Variants in PCDHGA1 observed in about 807,000 individuals in gnomAD.
PCDHGA1 encodes the protein protocadherin gamma-A1.
In PCDHGA1, 32 loss-of-function variants were observed where a neutral mutation model predicts 58.0. That is an observed-to-expected ratio of 0.55 (90% CI 0.42 to 0.74). PCDHGA1 has a LOEUF of 0.74. Ranked by LOEUF, PCDHGA1 falls within the 30% of genes least tolerant of loss-of-function variation. The pLI is 0.00. For synonymous variants in PCDHGA1, 498 were observed against 501.1 expected (o/e 0.99, Z 0.08); for missense variants, 1,205 against 1,182.3 (o/e 1.02, Z -0.28).
chr5:141,394,006 TAGGTA>T, intron 1 of PCDHGA1: 3 of 1,613,358 alleles, frequency 1.9e-6, no homozygotes, highest in Admixed American at 3.3e-5. Flanking sequence ...GAAAAGTCAA[TAGGTA>T]ATTATTATAG....
At chr5:141,417,667 C>A (rs545100460) in intron 1 of PCDHGA1, 5 of 918,744 alleles carry the variant, frequency 5.4e-6, no homozygotes, top group South Asian at 3.8e-5. Flanking sequence ...GGATTCCCTG[C>A]GCAGCCAACA....
Position 141,493,891 on chromosome 5 carries a change from G to A in PCDHGA1, c.2422-916G>A, listed in dbSNP as rs1595204910. On this transcript the variant is annotated intron_variant, in intron 1 of 3. Transcript: ENST00000517417. The surrounding 1 kb of genome is among the most constrained non-coding windows in gnomAD (Gnocchi z 4.3). ...CCAGTGAGGAGGTGGCTCTAGGAGT[G>A]CTCCATGAGAGTGTGTGATGGGATA... Among the ~76,000 whole-genome samples, 1 of 152,300 alleles carries A rather than the reference G, an allele frequency of 6.6e-6. No homozygotes were observed. The highest frequency in any genetic ancestry group is 1.5e-5 in the Non-Finnish European group (1 of 68,018).
chr5:141,488,128 G>T (rs1412334197), intron 1 of PCDHGA1, among the ~76,000 whole-genome samples: 1 of 152,226 alleles, frequency 6.6e-6, no homozygotes, highest in Non-Finnish European at 1.5e-5. Context: ...ACAGCAGAAA[G>T]AGGAGAGAAC....
At chr5:141,357,238 C>T (rs1377383542) in intron 1 of PCDHGA1, 1 of 1,613,756 alleles carries the variant, frequency 6.2e-7, no homozygotes, top group African/African-American at 1.3e-5. Flanking sequence ...CAGCCTCAAG[C>T]CTTCAGCAGA....
rs773609097 is a variant in PCDHGA1 at position 141,408,614 on chromosome 5, A to C, written c.2421+75509A>C. 2.2e-5 allele frequency: 36 copies of C among 1,614,008 alleles called. No individual in the cohort carries two copies. Among genetic ancestry groups the C allele is most frequent in the Non-Finnish European group, 3.1e-5 (36 of 1,179,890 alleles). On this transcript the variant is annotated intron_variant, in intron 1 of 3. Coordinates refer to ENST00000517417, the MANE Select transcript of PCDHGA1 (RefSeq NM_018912.3). The stretch of plus-strand genomic sequence containing the variant: ...CGCCCCTCAATTTGATAAAAAGGAA[A>C]TACATTTAGAAATTTTCGAATCTGC...
Position 141,334,295 on chromosome 5 carries a change from C to T in PCDHGA1, c.2421+1190C>T, listed in dbSNP as rs955926032. On this transcript the variant is annotated intron_variant, in intron 1 of 3. Coordinates refer to ENST00000517417, the MANE Select transcript of PCDHGA1 (RefSeq NM_018912.3). The surrounding 1 kb of genome is among the most constrained non-coding windows in gnomAD (Gnocchi z 4.6). ...CCTGAATCCAAAATAAGCAATGAGG[C>T]CCTTCAGCTGGTTAAAAAGGAAAAG... The T allele has an allele frequency of 2.0e-5, 3 of 152,236 alleles. No homozygotes were observed. Among genetic ancestry groups the T allele is most frequent in the Admixed American group, 6.5e-5 (1 of 15,286 alleles). The allele number at this position is 152,236 out of a possible 1,614,324, so 9.4% of individuals were successfully genotyped here. A position where few individuals can be genotyped will look rare whatever the true frequency, so the allele number is the denominator to read the frequency against.
rs369227893 is a variant in PCDHGA1, at chr5:141,419,063, T to A, written c.2422-75744T>A. 47 of 1,613,840 alleles carry A rather than the reference T, an allele frequency of 2.9e-5. No homozygotes were observed. The highest frequency in any genetic ancestry group is 4.0e-5 in the Non-Finnish European group (47 of 1,179,904). On this transcript the variant is annotated intron_variant, in intron 1 of 3. Coordinates refer to ENST00000517417, the MANE Select transcript of PCDHGA1 (RefSeq NM_018912.3). ...GATTCATTCTTCTTCTAATAATTACTACAAGCTAGTAACAGATGAGGCCCT... is the reference window on the plus strand; with the variant it reads ...GATTCATTCTTCTTCTAATAATTACAACAAGCTAGTAACAGATGAGGCCCT...
rs781229038 is a variant in PCDHGA1, at chr5:141,489,990, A to C, written c.2422-4817A>C. 1.2e-4 allele frequency: 194 copies of C among 1,614,138 alleles called. No individual in the cohort carries two copies. Among genetic ancestry groups the C allele is most frequent in the Non-Finnish European group, 1.6e-4 (188 of 1,180,038 alleles). Reference sequence around the variant, plus strand: ...TCCAATCCTCAGTTCTACGTGTGGGAATCCCAGAGAATGCACCCATTGGTA... The same window carrying C: ...TCCAATCCTCAGTTCTACGTGTGGGCATCCCAGAGAATGCACCCATTGGTA... On this transcript the variant is annotated intron_variant, in intron 1 of 3. Transcript: ENST00000517417. The surrounding 1 kb of genome is among the most constrained non-coding windows in gnomAD (Gnocchi z 4.5).
intron 1 of PCDHGA1, chr5:141,372,327 A>G (rs1768669184): frequency 3.7e-6 from 6 of 1,613,586 alleles, no homozygotes; most frequent in Admixed American, 1.7e-5. Flanking sequence ...CCTGCTGGTC[A>G]CTGTGCGTGA....
At chr5:141,478,165 C>G (rs780594020) in intron 1 of PCDHGA1, 13 of 1,613,920 alleles carry the variant, frequency 8.1e-6, no homozygotes, top group African/African-American at 1.3e-5. Flanking sequence ...GCTCTGCCCC[C>G]CGGGAGCAGA....
chr5:141,355,759 G>A (rs769349934), intron 1 of PCDHGA1: 10 of 1,613,774 alleles, frequency 6.2e-6, no homozygotes, highest in Non-Finnish European at 1.7e-6. Context: ...AAGTGGGGCC[G>A]ATGGGATTAA....
intron 1 of PCDHGA1, chr5:141,383,684 T>A: frequency 4.3e-6 from 7 of 1,614,014 alleles, no homozygotes; most frequent in Non-Finnish European, 5.9e-6. Context: ...ACAAGACTGC[T>A]CACGGTACAT....
Position 141,334,645 on chromosome 5 carries a change from G to A in PCDHGA1, c.2421+1540G>A, listed in dbSNP as rs891569456. On this transcript the variant is annotated intron_variant, in intron 1 of 3. Coordinates refer to ENST00000517417, the MANE Select transcript of PCDHGA1 (RefSeq NM_018912.3). The surrounding 1 kb of genome is among the most constrained non-coding windows in gnomAD (Gnocchi z 4.6). The stretch of plus-strand genomic sequence containing the variant: ...TAATAAAAGCTGTTTCCCAATTCCG[G>A]TGGTTATAACTTTCTTCGTAAGCTG... 1 of 152,190 alleles carries A rather than the reference G, an allele frequency of 6.6e-6. No individual in the cohort carries two copies. Among genetic ancestry groups the A allele is most frequent in the Admixed American group, 6.5e-5 (1 of 15,270 alleles). 9.4% of individuals were successfully genotyped at this position (152,190 alleles called of 1,614,324 possible). A position where few individuals can be genotyped will look rare whatever the true frequency, so the allele number is the denominator to read the frequency against.
At chr5:141,469,964 G>T (rs974494589) in intron 1 of PCDHGA1, among the ~76,000 whole-genome samples, 2 of 152,002 alleles carry the variant, frequency 1.3e-5, no homozygotes, top group Non-Finnish European at 2.9e-5. Flanking sequence ...AACCCCATCT[G>T]TACCAAAAAT....
In PCDHGA1 at chr5:141,331,223, T is replaced by C. The variant is rs1368047057; in HGVS notation, c.539T>C (p.Leu180Pro). The change falls in exon 1 of 4, where the codon CTG becomes CCG. Residue 180 changes from leucine (L) to proline (P), a missense_variant. Coordinates refer to ENST00000517417, the MANE Select transcript of PCDHGA1 (RefSeq NM_018912.3). Reference protein sequence around the residue: ...YQLSSNPHFSLDVQQGADGPQ... With the variant: ...YQLSSNPHFSPDVQQGADGPQ... ...CTCAGCTCTAACCCTCATTTCTCCC[T>C]GGATGTGCAACAGGGAGCCGATGGG... 1 of 1,614,118 alleles carries C rather than the reference T, an allele frequency of 6.2e-7. No homozygotes were observed. The highest frequency in any genetic ancestry group is 1.7e-5 in the Admixed American group (1 of 60,020).
At chr5:141,421,355 G>A in intron 1 of PCDHGA1, 1 of 1,613,990 alleles carries the variant, frequency 6.2e-7, no homozygotes, top group East Asian at 2.2e-5. Flanking sequence ...ACCGAAAAGG[G>A]CTCCTTCGTG....
chr5:141,366,411 T>C lies in PCDHGA1; in HGVS notation c.2421+33306T>C, dbSNP rs759374656. ...GATCTGGACCTCACACTCTATCTTG[T>C]GGTGGCAGTGGCTGCAGTCTCCTGC... On this transcript the variant is annotated intron_variant, in intron 1 of 3. Coordinates refer to ENST00000517417, the MANE Select transcript of PCDHGA1 (RefSeq NM_018912.3). The C allele has an allele frequency of 6.2e-7, 1 of 1,614,194 alleles. No individual in the cohort carries two copies.
chr5:141,345,256 C>T, intron 1 of PCDHGA1: 1 of 1,613,988 alleles, frequency 6.2e-7, no homozygotes, highest in Non-Finnish European at 8.5e-7. Context: ...GTGACGGCCA[C>T]ATCCCTGGAC....
chr5:141,423,157 G>A (rs527921011), intron 1 of PCDHGA1: 1 of 1,610,820 alleles, frequency 6.2e-7, no homozygotes, highest in Non-Finnish European at 8.5e-7. Flanking sequence ...GCAGAGCCTC[G>A]TGGTGGCCGT....
Sources: gnomAD v4.1 joint callset for allele counts (sites outside exome capture counted in the v4.1 genomes callset) on GRCh38, gnomAD v4.1.1 for gene constraint, Gnocchi (gnomAD v3.1) non-coding constraint, MANE v1.5 for transcripts, NCBI Gene and HGNC (gene_info 2026-07-23, HGNC 2026-07-21) for gene names.